SPAG16: variants seen among roughly 807,000 people sequenced by gnomAD.
The protein encoded by SPAG16 is sperm associated antigen 16.
Under a neutral mutation model 80.4 loss-of-function variants are expected in SPAG16, and 86 were observed. The observed-to-expected ratio is 1.07, with a 90% confidence interval of 0.90 to 1.28. The LOEUF (loss-of-function observed/expected upper bound fraction) is 1.28, where lower values mean the gene tolerates loss of function less well. Ranked by LOEUF, SPAG16 falls within the 50% of genes most tolerant of loss-of-function variation. The probability of loss-of-function intolerance (pLI) is 0.00; values close to 1 mark genes in which losing one functional copy is unlikely to be tolerated. For synonymous variants in SPAG16, 294 were observed against 265.9 expected, an observed-to-expected ratio of 1.11 and a Z score of -1.03; for missense variants, 870 against 765.3, an observed-to-expected ratio of 1.14 and a Z score of -1.61.
chr2:214,370,591 AT>A (rs774393065), intron 15 of SPAG16, among the ~76,000 whole-genome samples: 14 of 152,188 alleles, frequency 9.2e-5, no homozygotes, highest in Non-Finnish European at 2.1e-4. Context: ...TGGTGAGAAC[AT>A]TTAAGGTCTA....
At chr2:214,073,530 C>T (rs1014370408) in intron 13 of SPAG16, among the ~76,000 whole-genome samples, 1 of 152,032 alleles carries the variant, frequency 6.6e-6, no homozygotes, top group African/African-American at 2.4e-5. Context: ...CCACCACGCC[C>T]GGCCGGATAT....
chr2:213,763,968 A>T (rs556697323), intron 10 of SPAG16, among the ~76,000 whole-genome samples: 11 of 152,332 alleles, frequency 7.2e-5, no homozygotes, highest in African/African-American at 2.6e-4. Context: ...TGAACCAACT[A>T]AAATAAAACA....
At chr2:214,377,126 G>T (rs1477329520) in intron 15 of SPAG16, among the ~76,000 whole-genome samples, 1 of 152,146 alleles carries the variant, frequency 6.6e-6, no homozygotes. Flanking sequence ...AGTGTTGTGA[G>T]TTTCCACTTA....
chr2:213,501,232 T>A (rs2074729996), intron 10 of SPAG16, among the ~76,000 whole-genome samples: 1 of 152,232 alleles, frequency 6.6e-6, no homozygotes, highest in Admixed American at 6.5e-5. Flanking sequence ...TTTCATTTTG[T>A]TATGTTAAAT....
rs569755195 is a variant in SPAG16, at chr2:213,790,345, A to G, written c.1071-72140A>G. ...AACTCTCAACACTTATTTAGGTTCA[A>G]GTCCAGTGGATCATTTATCATTCTC... On this transcript the variant is annotated intron_variant, in intron 10 of 15. Transcript: ENST00000331683. Among the ~76,000 whole-genome samples the G allele has an allele frequency of 5.9e-5, 9 of 152,046 alleles. No individual in the cohort carries two copies. In the South Asian group the frequency reaches 1.0e-3, roughly 18 times the overall value.
intron 13 of SPAG16, among the ~76,000 whole-genome samples, chr2:214,057,532 A>G (rs2050009862): frequency 6.6e-6 from 1 of 152,112 alleles, no homozygotes. Flanking sequence ...GCATAGATGG[A>G]CTATATTTAG....
chr2:213,666,118 T>C (rs1281786279), intron 10 of SPAG16, among the ~76,000 whole-genome samples: 1 of 152,148 alleles, frequency 6.6e-6, no homozygotes, highest in Non-Finnish European at 1.5e-5. Flanking sequence ...TCACAAATAA[T>C]GAGAATAGAT....
At chr2:214,307,867 T>C (rs1368151051) in intron 15 of SPAG16, among the ~76,000 whole-genome samples, 1 of 152,168 alleles carries the variant, frequency 6.6e-6, no homozygotes, top group Non-Finnish European at 1.5e-5. Context: ...ATATCTGTTG[T>C]TTCTGTGTGG....
intron 7 of SPAG16, among the ~76,000 whole-genome samples, chr2:213,352,716 G>GT (rs1473062144): frequency 6.6e-6 from 1 of 152,168 alleles, no homozygotes; most frequent in Non-Finnish European, 1.5e-5. Flanking sequence ...ATTAAAACAT[G>GT]TTTAAAAAGT....
At chr2:214,133,026 A>T (rs2054859432) in intron 14 of SPAG16, among the ~76,000 whole-genome samples, 1 of 152,036 alleles carries the variant, frequency 6.6e-6, no homozygotes, top group South Asian at 2.1e-4. Context: ...TGGGAGGCGG[A>T]TGTTGCAGTG....
chr2:213,954,880 C>T (rs1372593105), intron 12 of SPAG16, among the ~76,000 whole-genome samples: 1 of 152,068 alleles, frequency 6.6e-6, no homozygotes, highest in African/African-American at 2.4e-5. Context: ...AGTCATAAAA[C>T]ATTGTGATTT....
intron 12 of SPAG16, among the ~76,000 whole-genome samples, chr2:213,992,047 A>T (rs1209750601): frequency 6.6e-6 from 1 of 152,100 alleles, no homozygotes; most frequent in African/African-American, 2.4e-5. Context: ...ATAAAGAAAG[A>T]AAAAGCCTGT....
At chr2:214,311,975 T>C (rs1444772126) in intron 15 of SPAG16, among the ~76,000 whole-genome samples, 1 of 152,168 alleles carries the variant, frequency 6.6e-6, no homozygotes, top group Non-Finnish European at 1.5e-5. Context: ...AATAAAAACC[T>C]TTATCAAATG....
rs199925338 is a variant in SPAG16, at chr2:213,325,002, A to AT, written c.536+7654dup. On this transcript the variant is annotated intron_variant, in intron 5 of 15. Transcript: ENST00000331683. ...CTGTATACAAATGATATTAAACATA[A>AT]TTTTTTTTGCTTTTTGACCATTCTA... Among the ~76,000 whole-genome samples, 1,516 of 151,894 alleles carry AT rather than the reference A, an allele frequency of 1.0e-2. 9 individuals carry two copies. The highest frequency in any genetic ancestry group is 0.013 in the Non-Finnish European group (880 of 67,858).
At chr2:213,544,737 G>T (rs2125925455) in intron 10 of SPAG16, among the ~76,000 whole-genome samples, 1 of 152,006 alleles carries the variant, frequency 6.6e-6, no homozygotes, top group South Asian at 2.1e-4. Flanking sequence ...CCATACTTTT[G>T]TTTTTTCTAA....
At chr2:213,606,658 C>A (rs2061271792) in intron 10 of SPAG16, among the ~76,000 whole-genome samples, 2 of 152,188 alleles carry the variant, frequency 1.3e-5, no homozygotes, top group Non-Finnish European at 2.9e-5. Flanking sequence ...TACTACAGAT[C>A]ATAATTTCTA....
intron 6 of SPAG16, among the ~76,000 whole-genome samples, chr2:213,342,339 A>G (rs201627621): frequency 1.4e-4 from 1 of 7,072 alleles, no homozygotes; most frequent in Non-Finnish European, 5.6e-4. Context: ...GTATATATAT[A>G]TTACATATAT....
intron 10 of SPAG16, among the ~76,000 whole-genome samples, chr2:213,702,426 G>A (rs57188434): frequency 0.025 from 3,790 of 152,188 alleles, 157 homozygotes; most frequent in African/African-American, 0.084. Flanking sequence ...CACTCACCGC[G>A]AAGGTCTGCA....
intron 5 of SPAG16, among the ~76,000 whole-genome samples, chr2:213,324,441 C>G (rs2063759033): frequency 6.6e-6 from 1 of 152,094 alleles, no homozygotes. Context: ...TTCTCTGTCC[C>G]AGCAATCACT....
Sources: gnomAD v4.1 joint callset for allele counts (sites outside exome capture counted in the v4.1 genomes callset) on GRCh38, gnomAD v4.1.1 for gene constraint, MANE v1.5 for transcripts, NCBI Gene and HGNC (gene_info 2026-07-23, HGNC 2026-07-21) for gene names.